NDUFB7: variants seen among roughly 807,000 people sequenced by gnomAD.
NDUFB7 encodes NADH:ubiquinone oxidoreductase subunit B7.
A neutral mutation model predicts 14.7 loss-of-function variants in NDUFB7; 18 were observed. That is an observed-to-expected ratio of 1.22 (90% CI 0.85 to 1.81). The LOEUF is 1.81. NDUFB7 is among the 40% of genes most tolerant of loss of function. NDUFB7 has a pLI of 0.00. For missense variants in NDUFB7, 219 were observed against 195.0 expected, an observed-to-expected ratio of 1.12 and a Z score of -0.73; for synonymous variants, 86 against 76.1, an observed-to-expected ratio of 1.13 and a Z score of -0.68.
chr19:14,569,799 A>C (rs2074114447), intron 1 of NDUFB7, among the ~76,000 whole-genome samples: 1 of 152,188 alleles, frequency 6.6e-6, no homozygotes, highest in African/African-American at 2.4e-5. Context: ...CTTTTGACCA[A>C]CCAAAACTGA....
Position 14,566,766 on chromosome 19 carries a change from C to A in NDUFB7, c.280G>T (p.Asp94Tyr). Residue 94 changes from aspartate to tyrosine, a missense_variant and splice_region_variant, in exon 2 of 3, where the codon GAC becomes TAC. By Grantham distance (160) the Asp-to-Tyr change is radical. Coordinates refer to ENST00000215565, the MANE Select transcript of NDUFB7 (RefSeq NM_004146.6). ...GGGGGCTGGTGTGGGGGTGCTCACT[C>A]GCGGTGCTCGCAGTAGTCCCAGTCG... ...RHDWDYCEHR[D>Y]YVMRMKEFER... is the part of the protein sequence containing the mutation. The A allele has an allele frequency of 1.9e-6, 3 of 1,542,794 alleles. No homozygotes were observed. Among genetic ancestry groups the A allele is most frequent in the Non-Finnish European group, 8.7e-7 (1 of 1,146,142 alleles).
chr19:14,570,193 G>A (rs1034358721), intron 1 of NDUFB7, among the ~76,000 whole-genome samples: 3 of 150,010 alleles, frequency 2.0e-5, no homozygotes, highest in East Asian at 4.0e-4. Flanking sequence ...CACCGTGCCC[G>A]GCTTAATTTT....
In NDUFB7 at chr19:14,568,089, G is replaced by C. The variant is rs375356223; in HGVS notation, c.113-1156C>G. On this transcript the variant is annotated intron_variant, in intron 1 of 2. Transcript: ENST00000215565. ...AGATGGAGTCTCACTCTGTCACCCA[G>C]GCTGGAGGGCAGTGGCAAGATCTCA... Among the ~76,000 whole-genome samples the C allele has an allele frequency of 5.8e-4, 89 of 152,290 alleles. 3 individuals are homozygous for C. In the East Asian group the frequency reaches 0.012, roughly 20 times the overall value.
chr19:14,571,842 C>T (rs751922202), intron 1 of NDUFB7, 47 bp downstream of exon 1: 1 of 1,555,180 alleles, frequency 6.4e-7, no homozygotes, highest in Non-Finnish European at 8.7e-7. Flanking sequence ...GGTGTTCAGG[C>T]ACCCGCGCCC....
At position 14,567,261 on chromosome 19, in the gene NDUFB7, G is replaced by A. The variant is rs536075690; in HGVS notation, c.113-328C>T. Among the ~76,000 whole-genome samples, 37 of 152,040 alleles carry A rather than the reference G, an allele frequency of 2.4e-4. No individual in the cohort carries two copies. Among genetic ancestry groups the A allele is most frequent in the Non-Finnish European group, 3.2e-4 (22 of 67,970 alleles). ...CCCGTCCCCAGCTCTCTACAGCCCCGCTCTCCAGAGTCCGAGTTCAGAATC... is the reference window on the plus strand; with the variant it reads ...CCCGTCCCCAGCTCTCTACAGCCCCACTCTCCAGAGTCCGAGTTCAGAATC... On this transcript the variant is annotated intron_variant, in intron 1 of 2. Transcript: ENST00000215565. This position sits in a 1 kb window ranked among gnomAD's most constrained non-coding sequence, Gnocchi z 5.1.
chr19:14,569,876 C>T (rs998227589), intron 1 of NDUFB7, among the ~76,000 whole-genome samples: 7 of 152,126 alleles, frequency 4.6e-5, no homozygotes, highest in Non-Finnish European at 1.0e-4. Flanking sequence ...TACTCATGCC[C>T]CTTCACATCT....
At chr19:14,571,402 C>T (rs1441813844) in intron 1 of NDUFB7, among the ~76,000 whole-genome samples, 1 of 152,040 alleles carries the variant, frequency 6.6e-6, no homozygotes, top group Non-Finnish European at 1.5e-5. Flanking sequence ...TCAAGAGCAG[C>T]CTGGCCAACA....
intron 2 of NDUFB7, 113 bp downstream of exon 2, chr19:14,566,652 G>T: frequency 1.0e-6 from 1 of 987,892 alleles, no homozygotes; most frequent in Non-Finnish European, 1.5e-6. Context: ...GGGTGGGAGG[G>T]GGGCTTGGGC....
chr19:14,570,719 C>T (rs2050094673), intron 1 of NDUFB7, among the ~76,000 whole-genome samples: 1 of 152,226 alleles, frequency 6.6e-6, no homozygotes, highest in African/African-American at 2.4e-5. Flanking sequence ...CACAATCTTT[C>T]CCACTGTGCT....
At chr19:14,571,398 G>A (rs912403082) in intron 1 of NDUFB7, among the ~76,000 whole-genome samples, 1 of 151,918 alleles carries the variant, frequency 6.6e-6, no homozygotes, top group African/African-American at 2.4e-5. Context: ...GAGTTCAAGA[G>A]CAGCCTGGCC....
intron 1 of NDUFB7, among the ~76,000 whole-genome samples, chr19:14,569,103 A>G (rs1322867797): frequency 6.6e-6 from 1 of 152,166 alleles, no homozygotes; most frequent in Admixed American, 6.6e-5. Flanking sequence ...TGAACCGGGA[A>G]GGCAGATGTT....
intron 1 of NDUFB7, among the ~76,000 whole-genome samples, chr19:14,568,046 C>T: frequency 6.6e-6 from 1 of 152,176 alleles, no homozygotes; most frequent in East Asian, 1.9e-4. Flanking sequence ...GTTCTGGGAG[C>T]CTTTTTCTTT....
Position 14,571,921 on chromosome 19 carries a change from G to A in NDUFB7, c.80C>T (p.Pro27Leu), listed in dbSNP as rs761250073. 1.9e-6 allele frequency: 3 copies of A among 1,612,022 alleles called. No homozygotes were observed. The highest frequency in any genetic ancestry group is 2.5e-6 in the Non-Finnish European group (3 of 1,179,528). ...CTTGCGTTCGGGGAAGCCGTAGTCT[G>A]GCGGGAAGGTTGGCATCTGCAGGGG... ...PDPLQMPTFP[P>L]DYGFPERKER... Residue 27 changes from proline to leucine, a missense_variant, in exon 1 of 3, where the codon CCA (proline) becomes CTA (leucine). Transcript: ENST00000215565.
intron 1 of NDUFB7, among the ~76,000 whole-genome samples, chr19:14,568,542 A>C (rs1194173846): frequency 6.6e-6 from 1 of 151,978 alleles, no homozygotes; most frequent in Non-Finnish European, 1.5e-5. Context: ...AGCAGCAAGG[A>C]CTTTAGACTG....
In NDUFB7 at chr19:14,571,955, C is replaced by A. The variant is rs139187599; in HGVS notation, c.46G>T (p.Glu16Ter). The change falls in exon 1 of 3, where the codon GAG becomes TAG. Residue 16 changes from glutamate to a stop codon, truncating the protein, a stop_gained. Transcript: ENST00000215565. LOFTEE classifies it high-confidence loss of function. ...GTTGGCATCTGCAGGGGGTCGGGCT[C>A]CACCGAGGCATCGCCCAGGTAGCGC... Reference protein sequence around the residue: ...VRRYLGDASVEPDPLQMPTFP... With the variant: ...VRRYLGDASV The A allele has an allele frequency of 1.0e-4, 168 of 1,611,290 alleles. No individual in the cohort carries two copies. Among genetic ancestry groups the A allele is most frequent in the Non-Finnish European group, 1.3e-4 (158 of 1,179,236 alleles).
rs2074127965 is a variant in NDUFB7 at position 14,571,949 on chromosome 19, C to T, written c.52G>A (p.Asp18Asn). Residue 18 changes from aspartate (D) to asparagine (N), a missense_variant, in exon 1 of 3, where the codon GAC (aspartate) becomes AAC (asparagine). By Grantham distance (23) the Asp-to-Asn change is conservative (BLOSUM62 1). Transcript: ENST00000215565. ...RYLGDASVEP[D>N]PLQMPTFPPD... Reference sequence around the variant, plus strand: ...GGGAAGGTTGGCATCTGCAGGGGGTCGGGCTCCACCGAGGCATCGCCCAGG... The same window carrying T: ...GGGAAGGTTGGCATCTGCAGGGGGTTGGGCTCCACCGAGGCATCGCCCAGG... The T allele has an allele frequency of 1.2e-6, 2 of 1,611,454 alleles. No individual in the cohort carries two copies. Among genetic ancestry groups the T allele is most frequent in the South Asian group, 1.1e-5 (1 of 90,670 alleles).
chr19:14,571,864 G>A lies in NDUFB7; in HGVS notation c.112+25C>T, dbSNP rs968718829. 1.9e-6 allele frequency: 3 copies of A among 1,591,608 alleles called. No individual in the cohort carries two copies. The African/African-American group carries it at 4.0e-5, about 21-fold the overall frequency. On this transcript the variant is annotated intron_variant, in intron 1 of 2. Coordinates refer to ENST00000215565, the MANE Select transcript of NDUFB7 (RefSeq NM_004146.6). ...AGGCACCCGCGCCCCACGCCCTCTG[G>A]CTGCGCCTGCGCACTGGGCCTCACC...
At position 14,566,868 on chromosome 19, in the gene NDUFB7, C is replaced by T. The variant is rs776667056; in HGVS notation, c.178G>A (p.Ala60Thr). The T allele has an allele frequency of 1.5e-4, 229 of 1,573,426 alleles. No homozygotes were observed. Among genetic ancestry groups the T allele is most frequent in the Non-Finnish European group, 1.8e-4 (212 of 1,162,316 alleles). ...TTGAGCAGCCGGATGAGGTGGTGGG[C>T]GCAGTAGTCCCGCAGCTGGAGCCTC... ...QLRLQLRDYC[A>T]HHLIRLLKCK... The change falls in exon 2 of 3, where the codon GCC becomes ACC. Residue 60 changes from alanine to threonine, a missense_variant. Transcript: ENST00000215565.
rs2074094968 is a variant in NDUFB7, at chr19:14,567,016, C to G, written c.113-83G>C. On this transcript the variant is annotated intron_variant, in intron 1 of 2. Transcript: ENST00000215565. The surrounding 1 kb of genome is among the most constrained non-coding windows in gnomAD (Gnocchi z 5.1). ...ATCCCCAGGGGACCGAGGCACACGG[C>G]TTCAGGAAGGCACGGCTTGGGGTGT... 3.5e-6 allele frequency: 5 copies of G among 1,412,702 alleles called. No individual in the cohort carries two copies. The South Asian group carries it at 6.7e-5, about 19-fold the overall frequency. The allele number at this position is 1,412,702 out of a possible 1,614,324, so 87.5% of individuals were successfully genotyped here. A position where few individuals can be genotyped will look rare whatever the true frequency, so the allele number is the denominator to read the frequency against.
Sources: gnomAD v4.1 joint callset for allele counts (sites outside exome capture counted in the v4.1 genomes callset) on GRCh38, gnomAD v4.1.1 for gene constraint, Gnocchi (gnomAD v3.1) non-coding constraint, MANE v1.5 for transcripts, NCBI Gene and HGNC (gene_info 2026-07-23, HGNC 2026-07-21) for gene names.